Variants in AK9 observed in about 807,000 individuals in gnomAD.
AK9 encodes adenylate kinase 9, also known as adenylate kinase domain containing 1.
Under a neutral mutation model 239.6 loss-of-function variants are expected in AK9, and 191 were observed. That is an observed-to-expected ratio of 0.80 (90% confidence interval 0.71 to 0.90). AK9 has a LOEUF of 0.90. Ranked by LOEUF, AK9 falls within the 40% of genes least tolerant of loss-of-function variation. The pLI, the probability that AK9 is intolerant of heterozygous loss-of-function variation, is 0.00. For synonymous variants in AK9, 689 were observed against 721.0 expected, an observed-to-expected ratio of 0.96 and a Z score of 0.71; for missense variants, 1,995 against 2,214.7, an observed-to-expected ratio of 0.90 and a Z score of 1.99.
At chr6:109,523,021 TAAGTG>T (rs1780031403) in intron 29 of AK9, among the ~76,000 whole-genome samples, 8 of 152,278 alleles carry the variant, frequency 5.3e-5, no homozygotes, top group Admixed American at 5.2e-4. Context: ...ATGTCGCTGT[TAAGTG>T]AAGGGCTGGT....
chr6:109,569,520 A>C (rs1787095856), intron 21 of AK9, among the ~76,000 whole-genome samples: 1 of 152,216 alleles, frequency 6.6e-6, no homozygotes, highest in African/African-American at 2.4e-5. Flanking sequence ...AAATTTTTGC[A>C]ATCTACCCAT....
At chr6:109,595,473 C>G (rs1430421027) in intron 17 of AK9, among the ~76,000 whole-genome samples, 1 of 152,108 alleles carries the variant, frequency 6.6e-6, no homozygotes, top group East Asian at 1.9e-4. Context: ...ACCAGAAATA[C>G]CATTTGACCC....
rs913684480 is a variant in AK9, at chr6:109,575,886, C to A, written c.2192-2292G>T. 2.0e-5 allele frequency among the ~76,000 whole-genome samples: 3 copies of A among 152,260 alleles called. No homozygotes were observed. The East Asian group carries it at 5.8e-4, about 29-fold the overall frequency. On this transcript the variant is annotated intron_variant, in intron 20 of 40. Coordinates refer to ENST00000424296, the MANE Select transcript of AK9 (RefSeq NM_001145128.3). ...CAGCTTCATTCTTCATTGTGGCTTG[C>A]CAATTATCCCAGCACCATTTGTTGA...
intron 40 of AK9, 50 bp from the exon 41 acceptor site, chr6:109,493,621 C>A: frequency 6.6e-7 from 1 of 1,511,114 alleles, no homozygotes; most frequent in South Asian, 1.2e-5. Flanking sequence ...GTTAGTGAGT[C>A]ATTAAATGAA....
intron 5 of AK9, among the ~76,000 whole-genome samples, chr6:109,667,997 ACTAGTTTACAG>A (rs1214450907): frequency 6.6e-6 from 1 of 152,210 alleles, no homozygotes; most frequent in Non-Finnish European, 1.5e-5. Flanking sequence ...CAATGGTTGA[ACTAGTTTACAG>A]TCCCACCAAC....
intron 17 of AK9, among the ~76,000 whole-genome samples, chr6:109,607,768 GGTGTGTGTGTGTGT>G (rs10648225): frequency 1.5e-4 from 22 of 145,486 alleles, no homozygotes; most frequent in South Asian, 8.9e-4. Flanking sequence ...CCAGCAGAGG[GGTGTGTGTGTGTGT>G]GTGTGTGTGT....
rs116610932 is a variant in AK9, at chr6:109,559,703, A to G, written c.2751+3894T>C. Among the ~76,000 whole-genome samples, 481 of 152,322 alleles carry G rather than the reference A, an allele frequency of 3.2e-3. 2 individuals carry two copies. Among genetic ancestry groups the G allele is most frequent in the African/African-American group, 0.011 (457 of 41,562 alleles). ...ATGTCCTGAAACTTTGCTAAATTCA[A>G]TTATTAGTAGCTTTTTTTGTTGATT... is the stretch of plus-strand genomic sequence containing the variant. On this transcript the variant is annotated intron_variant, in intron 24 of 40. Coordinates refer to ENST00000424296, the MANE Select transcript of AK9 (RefSeq NM_001145128.3).
intron 31 of AK9, among the ~76,000 whole-genome samples, chr6:109,514,638 T>C (rs1779086855): frequency 6.6e-6 from 1 of 152,200 alleles, no homozygotes; most frequent in African/African-American, 2.4e-5. Context: ...ATGAATGCAA[T>C]AGTTCTTAAT....
chr6:109,632,900 T>TAGAC lies in AK9; in HGVS notation c.1254+19_1254+22dup, dbSNP rs770626634. Reference sequence around the variant, plus strand: ...ATAGATAGATAGATAGATAGATAGATAGACAGATAGTTAGTTAGTCACCTT... The same window carrying TAGAC: ...ATAGATAGATAGATAGATAGATAGATAGACAGACAGATAGTTAGTTAGTCACCTT... On this transcript the variant is annotated intron_variant, in intron 12 of 40. Transcript: ENST00000424296. 8.2e-5 allele frequency: 132 copies of TAGAC among 1,601,132 alleles called. 2 individuals are homozygous for TAGAC. Among genetic ancestry groups the TAGAC allele is most frequent in the Middle Eastern group, 3.3e-4 (2 of 6,024 alleles).
At chr6:109,595,474 C>A (rs535097092) in intron 17 of AK9, among the ~76,000 whole-genome samples, 3 of 152,212 alleles carry the variant, frequency 2.0e-5, no homozygotes, top group Non-Finnish European at 4.4e-5. Flanking sequence ...CCAGAAATAC[C>A]ATTTGACCCA....
intron 1 of AK9, among the ~76,000 whole-genome samples, chr6:109,682,127 C>CA (rs554279108): frequency 3.9e-4 from 59 of 152,050 alleles, no homozygotes; most frequent in African/African-American, 1.4e-3. Flanking sequence ...ACAAACCCTT[C>CA]AAAAAATCAA....
Position 109,514,725 on chromosome 6 carries a change from A to T in AK9, c.4066-288T>A, listed in dbSNP as rs1474483836. Reference sequence around the variant, plus strand: ...TTAGTGTATACTGAATGTTTCTGTCAAACAGCCTAAGGTTGTTTGCATTTA... The same window carrying T: ...TTAGTGTATACTGAATGTTTCTGTCTAACAGCCTAAGGTTGTTTGCATTTA... On this transcript the variant is annotated intron_variant, in intron 31 of 40. Coordinates refer to ENST00000424296, the MANE Select transcript of AK9 (RefSeq NM_001145128.3). Among the ~76,000 whole-genome samples the T allele has an allele frequency of 2.0e-5, 3 of 152,322 alleles. No individual in the cohort carries two copies. The South Asian group carries it at 6.2e-4, about 32-fold the overall frequency.
chr6:109,578,741 C>T (rs1788443005), intron 20 of AK9, among the ~76,000 whole-genome samples: 1 of 152,110 alleles, frequency 6.6e-6, no homozygotes, highest in African/African-American at 2.4e-5. Context: ...TAAGTTGTGT[C>T]ACTGTTATTG....
intron 13 of AK9, among the ~76,000 whole-genome samples, chr6:109,618,514 G>A (rs1183042121): frequency 2.6e-5 from 4 of 151,860 alleles, no homozygotes; most frequent in Non-Finnish European, 4.4e-5. Context: ...ATGGTCAGGA[G>A]AAAGACCACC....
intron 17 of AK9, among the ~76,000 whole-genome samples, chr6:109,608,031 T>C (rs1793115784): frequency 6.6e-6 from 1 of 151,722 alleles, no homozygotes; most frequent in Non-Finnish European, 1.5e-5. Context: ...ATCCCAGCAC[T>C]TTGGGAGGCC....
At chr6:109,532,461 T>C (rs894443890) in intron 28 of AK9, among the ~76,000 whole-genome samples, 2 of 152,178 alleles carry the variant, frequency 1.3e-5, no homozygotes, top group Non-Finnish European at 2.9e-5. Flanking sequence ...GACTTACAGG[T>C]TTGCCTTTTC....
At chr6:109,658,597 G>C (rs1420394566) in intron 7 of AK9, among the ~76,000 whole-genome samples, 3 of 152,020 alleles carry the variant, frequency 2.0e-5, no homozygotes, top group African/African-American at 7.2e-5. Flanking sequence ...CAAAAACTTA[G>C]ATGAAAATAG....
chr6:109,529,428 ACAC>A (rs1299299086), intron 28 of AK9, among the ~76,000 whole-genome samples: 1 of 152,192 alleles, frequency 6.6e-6, no homozygotes, highest in African/African-American at 2.4e-5. Flanking sequence ...AGCTTTTAAC[ACAC>A]TATTAAATAG....
intron 32 of AK9, 48 bp from the exon 33 acceptor site, chr6:109,509,428 G>T: frequency 1.3e-6 from 2 of 1,487,168 alleles, no homozygotes; most frequent in Non-Finnish European, 1.8e-6. Context: ...TTAGATTCAG[G>T]GGGGACATGT....
Sources: gnomAD v4.1 joint callset for allele counts (sites outside exome capture counted in the v4.1 genomes callset) on GRCh38, gnomAD v4.1.1 for gene constraint, MANE v1.5 for transcripts, NCBI Gene and HGNC (gene_info 2026-07-23, HGNC 2026-07-21) for gene names.